RAP1GDS1: variants seen among roughly 807,000 people sequenced by gnomAD.
RAP1GDS1 encodes Rap1 GTPase-GDP dissociation stimulator 1.
A neutral mutation model predicts 71.1 loss-of-function variants in RAP1GDS1; 35 were observed. The observed-to-expected ratio is 0.49, with a 90% CI of 0.38 to 0.65. The LOEUF is 0.65. Ranked by LOEUF, RAP1GDS1 falls within the 30% of genes least tolerant of loss-of-function variation. The pLI is 0.00. For missense variants in RAP1GDS1, 663 were observed against 706.1 expected (o/e 0.94, Z 0.69); for synonymous variants, 229 against 243.1 (o/e 0.94, Z 0.54).
At chr4:98,312,324 A>G (rs1011874755) in intron 2 of RAP1GDS1, among the ~76,000 whole-genome samples, 1 of 152,158 alleles carries the variant, frequency 6.6e-6, no homozygotes, top group Non-Finnish European at 1.5e-5. Flanking sequence ...TCATTTTTTC[A>G]TAGCCCTAAG....
At chr4:98,324,357 A>G (rs892856890) in intron 2 of RAP1GDS1, among the ~76,000 whole-genome samples, 6 of 152,238 alleles carry the variant, frequency 3.9e-5, no homozygotes, top group African/African-American at 1.4e-4. Flanking sequence ...AAGGTAATTT[A>G]CAGATTCAAT....
intron 7 of RAP1GDS1, among the ~76,000 whole-genome samples, chr4:98,404,867 G>A (rs547477715): frequency 6.6e-6 from 1 of 152,188 alleles, no homozygotes; most frequent in South Asian, 2.1e-4. Context: ...TCTGGAAAAG[G>A]CAGCTGAGAG....
chr4:98,437,165 C>A, intron 14 of RAP1GDS1, 97 bp downstream of exon 14: 1 of 1,257,598 alleles, frequency 8.0e-7, no homozygotes, highest in Non-Finnish European at 1.0e-6. Flanking sequence ...GGTTTTAAAG[C>A]CGTTAGAAAT....
At chr4:98,428,680 T>TC (rs1554005185) in intron 12 of RAP1GDS1, among the ~76,000 whole-genome samples, 1 of 151,768 alleles carries the variant, frequency 6.6e-6, no homozygotes, top group African/African-American at 2.4e-5. Flanking sequence ...CATAATCAAA[T>TC]AAAAAAATAA....
chr4:98,315,718 T>C (rs1379945949), intron 2 of RAP1GDS1, among the ~76,000 whole-genome samples: 1 of 152,086 alleles, frequency 6.6e-6, no homozygotes, highest in Non-Finnish European at 1.5e-5. Context: ...TTTTATATCA[T>C]GCTAAACATG....
intron 5 of RAP1GDS1, among the ~76,000 whole-genome samples, chr4:98,380,395 T>A (rs187725791): frequency 9.9e-5 from 15 of 151,940 alleles, no homozygotes; most frequent in Admixed American, 7.2e-4. Context: ...GAAAGTATCT[T>A]CAGGCCTCAT....
In RAP1GDS1 at chr4:98,363,478, C is replaced by CAAAAAAAAAAAAA. The variant is rs34393905; in HGVS notation, c.361+10892_361+10904dup. Among the ~76,000 whole-genome samples, 45 of 37,726 alleles carry CAAAAAAAAAAAAA rather than the reference C, an allele frequency of 1.2e-3. 3 individuals carry two copies. Among genetic ancestry groups the CAAAAAAAAAAAAA allele is most frequent in the African/African-American group, 2.0e-3 (20 of 10,114 alleles). 24.7% of individuals were successfully genotyped at this position (37,726 alleles called of 152,430 possible). On this transcript the variant is annotated intron_variant, in intron 4 of 14. Transcript: ENST00000408927. ...CCTAAATAACAGTGAGACCCTGTCT[C>CAAAAAAAAAAAAA]AAAAAAAAAAAAAAAAAAAAAAAAA...
chr4:98,334,263 A>G (rs949549425), intron 2 of RAP1GDS1, among the ~76,000 whole-genome samples: 1 of 152,118 alleles, frequency 6.6e-6, no homozygotes, highest in Admixed American at 6.6e-5. Flanking sequence ...ATACATACAC[A>G]CAAAAATTTT....
At chr4:98,406,350 GA>G (rs973076942) in intron 7 of RAP1GDS1, among the ~76,000 whole-genome samples, 3 of 151,764 alleles carry the variant, frequency 2.0e-5, no homozygotes, top group African/African-American at 7.3e-5. Context: ...TAATAGGGTA[GA>G]AAAAATATAC....
rs556713564 is a variant in RAP1GDS1, at chr4:98,261,479, C to A, written c.-87C>A. 5.8e-6 allele frequency: 8 copies of A among 1,376,938 alleles called. No individual in the cohort carries two copies. The highest frequency in any genetic ancestry group is 2.9e-5 in the South Asian group (2 of 68,790). 85.3% of individuals were successfully genotyped at this position (1,376,938 alleles called of 1,614,324 possible). On this transcript the variant is annotated 5_prime_UTR_variant, in exon 1 of 15. Transcript: ENST00000408927. Reference sequence around the variant, plus strand: ...GGTCCCTCCCTGGCTGCGGGAGAGACGGAGGTAGAGGGAGGACACAGAGCC... The same window carrying A: ...GGTCCCTCCCTGGCTGCGGGAGAGAAGGAGGTAGAGGGAGGACACAGAGCC...
chr4:98,291,865 A>G (rs1448343335), intron 1 of RAP1GDS1, among the ~76,000 whole-genome samples: 1 of 152,144 alleles, frequency 6.6e-6, no homozygotes, highest in Admixed American at 6.6e-5. Context: ...GGAAAATGGA[A>G]GCTTTCATAT....
chr4:98,416,977 T>G, intron 8 of RAP1GDS1, 89 bp downstream of exon 8: 1 of 1,400,824 alleles, frequency 7.1e-7, no homozygotes, highest in Non-Finnish European at 9.8e-7. Flanking sequence ...CCCTAGACAT[T>G]TTCTCATATT....
intron 3 of RAP1GDS1, among the ~76,000 whole-genome samples, chr4:98,347,826 T>A (rs1200245778): frequency 6.6e-6 from 1 of 152,168 alleles, no homozygotes; most frequent in African/African-American, 2.4e-5. Flanking sequence ...TTTAGGCTAT[T>A]GAGTCAGAAT....
intron 3 of RAP1GDS1, among the ~76,000 whole-genome samples, chr4:98,345,298 G>C (rs2110402773): frequency 6.6e-6 from 1 of 152,332 alleles, no homozygotes; most frequent in South Asian, 2.1e-4. Flanking sequence ...TTACTCTGCT[G>C]TGCACAGAGG....
chr4:98,349,228 C>T (rs1380318290), intron 3 of RAP1GDS1, among the ~76,000 whole-genome samples: 1 of 152,108 alleles, frequency 6.6e-6, no homozygotes, highest in Admixed American at 6.5e-5. Flanking sequence ...ATAGGGAATC[C>T]TTTCCTATTT....
chr4:98,287,952 T>C (rs765160365), intron 1 of RAP1GDS1, among the ~76,000 whole-genome samples: 3 of 152,176 alleles, frequency 2.0e-5, no homozygotes, highest in South Asian at 2.1e-4. Flanking sequence ...TTCAATTTTA[T>C]TGGGACCAAG....
chr4:98,417,373 C>T lies in RAP1GDS1; in HGVS notation c.914C>T (p.Ser305Phe). Residue 305 changes from serine (S) to phenylalanine (F), a missense_variant, in exon 9 of 15, where the codon TCC becomes TTC. Ser to Phe is a radical substitution (Grantham distance 155). Coordinates refer to ENST00000408927, the MANE Select transcript of RAP1GDS1 (RefSeq NM_001100427.2). The part of the protein sequence containing the change: ...LMVLLLLGDE[S>F]MQKLFEGGKG... ...TCGTTTCATTTACCTCCAGATGAAT[C>T]CATGCAGAAGTTATTTGAAGGAGGA... 6.2e-7 allele frequency: 1 copy of T among 1,609,746 alleles called. No individual in the cohort carries two copies. The highest frequency in any genetic ancestry group is 8.5e-7 in the Non-Finnish European group (1 of 1,177,422).
At chr4:98,288,201 G>A (rs1726327897) in intron 1 of RAP1GDS1, among the ~76,000 whole-genome samples, 1 of 151,896 alleles carries the variant, frequency 6.6e-6, no homozygotes, top group Admixed American at 6.6e-5. Context: ...CCCACAACAG[G>A]CCCCAGTGTG....
intron 6 of RAP1GDS1, among the ~76,000 whole-genome samples, chr4:98,402,194 C>T (rs1275687925): frequency 5.9e-5 from 9 of 152,142 alleles, no homozygotes; most frequent in African/African-American, 2.2e-4. Context: ...GCCTCAGCCT[C>T]CTGAGTAGCT....
Sources: gnomAD v4.1 joint callset for allele counts (sites outside exome capture counted in the v4.1 genomes callset) on GRCh38, gnomAD v4.1.1 for gene constraint, MANE v1.5 for transcripts, NCBI Gene and HGNC (gene_info 2026-07-23, HGNC 2026-07-21) for gene names.